KMT2C: variants seen among roughly 807,000 people sequenced by gnomAD.
The protein encoded by KMT2C is histone-lysine N-methyltransferase 2C.
In KMT2C, 88 loss-of-function variants were observed where a neutral mutation model predicts 507.9. That is an observed-to-expected ratio of 0.17 (90% CI 0.15 to 0.21). The LOEUF (loss-of-function observed/expected upper bound fraction) is 0.21, where lower values mean the gene tolerates loss of function less well. Among genes scored for constraint, KMT2C ranks in the 10% least tolerant of loss-of-function variants. The pLI is 1.00. For synonymous variants in KMT2C, 2,049 were observed against 2,080.8 expected (o/e 0.98, Z 0.42); for missense variants, 4,954 against 5,957.8 (o/e 0.83, Z 5.55).
intron 2 of KMT2C, among the ~76,000 whole-genome samples, chr7:152,334,328 T>A (rs2129214677): frequency 6.6e-6 from 1 of 152,268 alleles, no homozygotes; most frequent in South Asian, 2.1e-4. Context: ...GGTGCGTGCC[T>A]GTAATCCCAG....
At chr7:152,401,236 G>A (rs994369245) in intron 1 of KMT2C, among the ~76,000 whole-genome samples, 3 of 151,726 alleles carry the variant, frequency 2.0e-5, no homozygotes, top group African/African-American at 7.3e-5. Flanking sequence ...ACAGGCATAC[G>A]CCACCACGAA....
intron 26 of KMT2C, among the ~76,000 whole-genome samples, chr7:152,202,291 T>A (rs2094168232): frequency 6.6e-6 from 1 of 152,234 alleles, no homozygotes; most frequent in South Asian, 2.1e-4. Flanking sequence ...CAGAGCCAGA[T>A]ATTTAATCTC....
chr7:152,433,207 T>C (rs1355646664), intron 1 of KMT2C, among the ~76,000 whole-genome samples: 3 of 152,120 alleles, frequency 2.0e-5, no homozygotes, highest in Non-Finnish European at 4.4e-5. Context: ...AATGAACATC[T>C]AAGTAACATT....
intron 1 of KMT2C, among the ~76,000 whole-genome samples, chr7:152,414,123 T>C (rs71265106): frequency 6.0e-5 from 9 of 150,830 alleles, no homozygotes; most frequent in Admixed American, 2.7e-4. Flanking sequence ...GGCAGGAGAA[T>C]TGCTTGAACC....
At chr7:152,265,609 A>G (rs1157675164) in intron 7 of KMT2C, among the ~76,000 whole-genome samples, 1 of 152,180 alleles carries the variant, frequency 6.6e-6, no homozygotes, top group Non-Finnish European at 1.5e-5. Context: ...TTTTCTTTGA[A>G]TGTTAAATAT....
chr7:152,204,993 G>C (rs1454564957), intron 25 of KMT2C, 113 bp downstream of exon 25: 4 of 620,114 alleles, frequency 6.5e-6, no homozygotes, highest in Admixed American at 3.1e-5. Flanking sequence ...ACAATAAGAG[G>C]CAATAAGGCT....
rs1198611132 is a variant in KMT2C at position 152,181,092 on chromosome 7, G to A, written c.6768C>T (p.Asn2256=). 6.2e-7 allele frequency: 1 copy of A among 1,614,164 alleles called. No individual in the cohort carries two copies. ...ACGGGCCAGGTAAAGCTGGTCCTCG[G>A]TTTTGTGCTGCTTGCAGGAAAGGAT... ...NQDPFLQAAQ[N]RGPALPGPLV... The change falls in exon 36 of 59, where the codon AAC becomes AAT. Residue 2256 remains asparagine, a synonymous_variant. Transcript: ENST00000262189.
At chr7:152,349,181 C>CA (rs1160583936) in intron 2 of KMT2C, among the ~76,000 whole-genome samples, 2 of 152,162 alleles carry the variant, frequency 1.3e-5, no homozygotes, top group Non-Finnish European at 2.9e-5. Context: ...CGCGGTGACT[C>CA]ACGCCTGTAA....
chr7:152,235,917 A>C lies in KMT2C; in HGVS notation c.2669T>G (p.Phe890Cys), dbSNP rs2129155566. The part of the protein sequence containing the change: ...WSIKVGRGSG[F>C]PGKRRPRGAG... ...ACCTCGAGGTCTCCGCTTTCCTGGA[A>C]ATCCAGACCCACGGCCCTATGTAAC... The change falls in exon 16 of 59, where the codon TTT becomes TGT. Residue 890 changes from phenylalanine to cysteine, a missense_variant. Coordinates refer to ENST00000262189, the MANE Select transcript of KMT2C (RefSeq NM_170606.3). 3.1e-6 allele frequency: 5 copies of C among 1,611,816 alleles called. No individual in the cohort carries two copies. The highest frequency in any genetic ancestry group is 4.2e-6 in the Non-Finnish European group (5 of 1,179,672).
rs578025977 is a variant in KMT2C at position 152,138,556 on chromosome 7, G to A, written c.14643+240C>T. The A allele has an allele frequency of 2.6e-5, 10 of 391,904 alleles. No homozygotes were observed. Among genetic ancestry groups the A allele is most frequent in the East Asian group, 9.7e-5 (2 of 20,530 alleles). The allele number at this position is 391,904 out of a possible 1,614,324, so 24.3% of individuals were successfully genotyped here. A position where few individuals can be genotyped will look rare whatever the true frequency, so the allele number is the denominator to read the frequency against. On this transcript the variant is annotated intron_variant, in intron 58 of 58. Transcript: ENST00000262189. This position sits in a 1 kb window ranked among gnomAD's most constrained non-coding sequence, Gnocchi z 4.2. ...TGGGTGCCATGGGGATGCTGAACCC[G>A]TGGCACAGAAGGGAAGGGAGAGGTG...
At chr7:152,332,009 T>C (rs2096889155) in intron 2 of KMT2C, among the ~76,000 whole-genome samples, 1 of 152,192 alleles carries the variant, frequency 6.6e-6, no homozygotes, top group African/African-American at 2.4e-5. Context: ...TATTTCAAAG[T>C]GACTCATTAA....
chr7:152,416,921 C>T (rs1375461765), intron 1 of KMT2C, among the ~76,000 whole-genome samples: 8 of 151,154 alleles, frequency 5.3e-5, no homozygotes, highest in East Asian at 2.0e-4. Context: ...TGGTGGCACA[C>T]GCCTGTAATC....
chr7:152,154,626 G>A (rs1344889533), intron 46 of KMT2C, among the ~76,000 whole-genome samples, 181 bp from the exon 47 acceptor site: 1 of 152,182 alleles, frequency 6.6e-6, no homozygotes, highest in Admixed American at 6.5e-5. Flanking sequence ...ACAATATTTA[G>A]TTACAAAATA....
chr7:152,219,334 T>A (rs969863933), intron 23 of KMT2C, among the ~76,000 whole-genome samples: 4 of 152,198 alleles, frequency 2.6e-5, no homozygotes, highest in African/African-American at 9.6e-5. Flanking sequence ...ATTAACTGAT[T>A]TTTTTTAAGA....
At chr7:152,336,345 A>C (rs987695783) in intron 2 of KMT2C, among the ~76,000 whole-genome samples, 1 of 152,164 alleles carries the variant, frequency 6.6e-6, no homozygotes, top group African/African-American at 2.4e-5. Context: ...CTGAGTGTTT[A>C]TGTCTCTCTC....
rs1315673360 is a variant in KMT2C at position 152,163,087 on chromosome 7, G to C, written c.10490C>G (p.Ser3497Cys). 6.2e-7 allele frequency: 1 copy of C among 1,614,242 alleles called. No individual in the cohort carries two copies. Residue 3497 changes from serine (S) to cysteine (C), a missense_variant, in exon 43 of 59, where the codon TCC becomes TGC. Ser to Cys is a moderately radical substitution (Grantham distance 112). Coordinates refer to ENST00000262189, the MANE Select transcript of KMT2C (RefSeq NM_170606.3). ...ATTAGTCTGCATGAAAGTTTGGGTG[G>C]AGGGTGAATTAATTGATCCTTGTTG... Reference protein sequence around the residue: ...NIQQGSINSPSTQTFMQTNER... With the variant: ...NIQQGSINSPCTQTFMQTNER...
In KMT2C at chr7:152,158,868, T is replaced by G. The variant is rs761464984; in HGVS notation, c.11665A>C (p.Lys3889Gln). 133 of 1,613,902 alleles carry G rather than the reference T, an allele frequency of 8.2e-5. 1 individual carries two copies. In the East Asian group the frequency reaches 3.0e-3, roughly 36 times the overall value. Residue 3889 changes from lysine (K) to glutamine (Q), a missense_variant, in exon 44 of 59, where the codon AAA (lysine) becomes CAA (glutamine). By Grantham distance (53) the Lys-to-Gln change is moderately conservative. Transcript: ENST00000262189. ...YSSTDTFTHL[K>Q]QQNNLSNPPT... ...TCTAAATGACTCACCCTCACCTGTT[T>G]CAAGTGGGTAAACGTGTCAGTGCTA...
intron 1 of KMT2C, among the ~76,000 whole-genome samples, chr7:152,414,532 AAAAG>A (rs1354006385): frequency 7.9e-5 from 12 of 152,222 alleles, no homozygotes; most frequent in Non-Finnish European, 1.8e-4. Flanking sequence ...CTGTCTCAAA[AAAAG>A]AAAGAAACAC....
chr7:152,241,989 C>T (rs1283996727), intron 14 of KMT2C, among the ~76,000 whole-genome samples: 13 of 152,028 alleles, frequency 8.6e-5, no homozygotes, highest in Non-Finnish European at 1.2e-4. Context: ...TATCATTATA[C>T]TTAGATATTC....
Sources: gnomAD v4.1 joint callset for allele counts (sites outside exome capture counted in the v4.1 genomes callset) on GRCh38, gnomAD v4.1.1 for gene constraint, Gnocchi (gnomAD v3.1) non-coding constraint, MANE v1.5 for transcripts, NCBI Gene and HGNC (gene_info 2026-07-23, HGNC 2026-07-21) for gene names.